SHB: variants seen among roughly 807,000 people sequenced by gnomAD.
The protein encoded by SHB is SH2 domain containing adaptor protein B, also known as SH2 domain-containing adapter protein B.
A neutral mutation model predicts 52.3 loss-of-function variants in SHB; 20 were observed. That is an observed-to-expected ratio of 0.38 (90% CI 0.27 to 0.56). The LOEUF (loss-of-function observed/expected upper bound fraction) is 0.56, where lower values mean the gene tolerates loss of function less well. SHB is among the 20% of genes least tolerant of loss of function. SHB has a pLI of 0.71. For missense variants in SHB, 825 were observed against 723.3 expected (o/e 1.14, Z -1.61); for synonymous variants, 397 against 316.5 (o/e 1.25, Z -2.70).
intron 2 of SHB, among the ~76,000 whole-genome samples, chr9:37,995,688 G>A (rs1820938441): frequency 6.6e-6 from 1 of 152,152 alleles, no homozygotes; most frequent in African/African-American, 2.4e-5. Flanking sequence ...AATATTAGGG[G>A]GCAGAGGGAG....
chr9:38,048,216 A>C (rs1476630742), intron 1 of SHB, among the ~76,000 whole-genome samples: 1 of 152,104 alleles, frequency 6.6e-6, no homozygotes, highest in African/African-American at 2.4e-5. Flanking sequence ...AAATATTCCA[A>C]CCTTCCAGCG....
chr9:38,037,103 G>T (rs1821499195), intron 1 of SHB, among the ~76,000 whole-genome samples: 1 of 152,200 alleles, frequency 6.6e-6, no homozygotes, highest in Non-Finnish European at 1.5e-5. Flanking sequence ...CCTGTAGACA[G>T]CCTGGCTTTG....
chr9:37,928,961 A>C (rs1050040992), intron 5 of SHB, among the ~76,000 whole-genome samples: 5 of 152,212 alleles, frequency 3.3e-5, no homozygotes, highest in African/African-American at 1.2e-4. Context: ...CCAGCTGCCG[A>C]GGGGAGGACT....
intron 1 of SHB, among the ~76,000 whole-genome samples, chr9:38,045,771 C>T (rs1452299127): frequency 2.6e-5 from 4 of 152,090 alleles, no homozygotes; most frequent in South Asian, 2.1e-4. Flanking sequence ...GACATGAGAA[C>T]GTGGGCAACT....
intron 1 of SHB, among the ~76,000 whole-genome samples, chr9:38,057,467 G>A (rs966310345): frequency 1.3e-5 from 2 of 152,196 alleles, no homozygotes; most frequent in African/African-American, 4.8e-5. Context: ...AGGGGTAAAA[G>A]GTTAGTCAAA....
At chr9:37,926,632 C>A (rs751028777) in intron 5 of SHB, among the ~76,000 whole-genome samples, 5 of 152,200 alleles carry the variant, frequency 3.3e-5, no homozygotes, top group Admixed American at 1.3e-4. Flanking sequence ...GGCAGACACA[C>A]GACCCCGTTC....
chr9:37,985,853 G>GTGACGAA (rs1820800412), intron 2 of SHB, among the ~76,000 whole-genome samples: 1 of 152,086 alleles, frequency 6.6e-6, no homozygotes, highest in South Asian at 2.1e-4. Context: ...TTGGACAGCA[G>GTGACGAA]TGAGCGCCTG....
intron 5 of SHB, among the ~76,000 whole-genome samples, chr9:37,942,619 T>C (rs576490049): frequency 4.6e-5 from 7 of 152,236 alleles, no homozygotes; most frequent in Admixed American, 4.6e-4. Flanking sequence ...GTAGGGCTTA[T>C]CTGCCAAGCC....
At chr9:37,965,245 T>C (rs2117941903) in intron 3 of SHB, among the ~76,000 whole-genome samples, 1 of 152,310 alleles carries the variant, frequency 6.6e-6, no homozygotes, top group East Asian at 1.9e-4. Context: ...GCCACAAATA[T>C]GGCTTGCCAG....
chr9:38,038,268 A>T (rs1428217041), intron 1 of SHB, among the ~76,000 whole-genome samples: 1 of 152,194 alleles, frequency 6.6e-6, no homozygotes, highest in Admixed American at 6.5e-5. Flanking sequence ...ACTTAAGAGC[A>T]CCACAAGGCA....
At chr9:37,978,511 G>A (rs1820680982) in intron 2 of SHB, among the ~76,000 whole-genome samples, 1 of 152,220 alleles carries the variant, frequency 6.6e-6, no homozygotes. Flanking sequence ...TAGCGACATG[G>A]GAAACCATGC....
intron 5 of SHB, among the ~76,000 whole-genome samples, chr9:37,932,991 T>C (rs931072438): frequency 1.3e-5 from 2 of 152,156 alleles, no homozygotes; most frequent in Non-Finnish European, 2.9e-5. Flanking sequence ...ATAAACTTTA[T>C]TTGAAAAGAA....
intron 3 of SHB, among the ~76,000 whole-genome samples, chr9:37,960,830 C>CG (rs1168706561): frequency 6.6e-6 from 1 of 152,156 alleles, no homozygotes; most frequent in Non-Finnish European, 1.5e-5. Context: ...TGAGGAACGG[C>CG]GGTCCAGAGG....
At chr9:38,011,808 C>T (rs1335389247) in intron 2 of SHB, among the ~76,000 whole-genome samples, 1 of 152,172 alleles carries the variant, frequency 6.6e-6, no homozygotes, top group Non-Finnish European at 1.5e-5. Flanking sequence ...GTTTCCCTAT[C>T]TATAAAAAAG....
At chr9:37,958,663 G>A (rs924649305) in intron 3 of SHB, among the ~76,000 whole-genome samples, 7 of 152,176 alleles carry the variant, frequency 4.6e-5, no homozygotes, top group Admixed American at 3.9e-4. Context: ...TGGAGAGTGA[G>A]AAGGCCCTTT....
intron 2 of SHB, among the ~76,000 whole-genome samples, chr9:37,986,056 T>C (rs1450002752): frequency 2.0e-5 from 3 of 152,166 alleles, no homozygotes; most frequent in African/African-American, 7.2e-5. Context: ...TACCAGCAGC[T>C]TGATGGAGGC....
At chr9:37,990,529 A>T (rs1034998298) in intron 2 of SHB, among the ~76,000 whole-genome samples, 2 of 152,126 alleles carry the variant, frequency 1.3e-5, no homozygotes, top group African/African-American at 4.8e-5. Context: ...AGCACAGAAA[A>T]CAAATGTTTA....
chr9:38,049,110 T>A (rs1485072932), intron 1 of SHB, among the ~76,000 whole-genome samples: 1 of 152,162 alleles, frequency 6.6e-6, no homozygotes, highest in Non-Finnish European at 1.5e-5. Context: ...AGCCGTAACC[T>A]CCCAGACTTA....
intron 2 of SHB, among the ~76,000 whole-genome samples, chr9:37,982,974 C>CCCCT (rs1554702662): frequency 3.1e-5 from 1 of 31,962 alleles, no homozygotes; most frequent in Non-Finnish European, 5.8e-5. Flanking sequence ...CTCTCTGGTG[C>CCCCT]CCCCCCCTCC....
Sources: gnomAD v4.1 joint callset for allele counts (sites outside exome capture counted in the v4.1 genomes callset) on GRCh38, gnomAD v4.1.1 for gene constraint, MANE v1.5 for transcripts, NCBI Gene and HGNC (gene_info 2026-07-23, HGNC 2026-07-21) for gene names.